Variants in ZFYVE9 observed in about 807,000 individuals in gnomAD.
ZFYVE9 encodes the protein zinc finger FYVE-type containing 9.
In ZFYVE9, 43 loss-of-function variants were observed where a neutral mutation model predicts 126.7. The ratio of observed to expected loss-of-function variants is 0.34; its 90% confidence interval spans 0.27 to 0.44. The LOEUF (loss-of-function observed/expected upper bound fraction) is 0.44. Among genes scored for constraint, ZFYVE9 ranks in the 20% least tolerant of loss-of-function variants. ZFYVE9 has a pLI of 1.00. For synonymous variants in ZFYVE9, 521 were observed against 597.4 expected, an observed-to-expected ratio of 0.87 and a Z score of 1.87; for missense variants, 1,476 against 1,697.0, an observed-to-expected ratio of 0.87 and a Z score of 2.29.
Position 52,344,910 on chromosome 1 carries a change from A to G in ZFYVE9, c.4082A>G (p.Lys1361Arg), listed in dbSNP as rs756590072. 1.9e-6 allele frequency: 3 copies of G among 1,614,140 alleles called. No homozygotes were observed. The highest frequency in any genetic ancestry group is 2.2e-5 in the East Asian group (1 of 44,876). The change falls in exon 18 of 19, where the codon AAA becomes AGA. Residue 1361 changes from lysine (K) to arginine (R), a missense_variant. Coordinates refer to ENST00000287727, the MANE Select transcript of ZFYVE9 (RefSeq NM_004799.4). ...CTTCTGAAGGAAGATGGAATGACCAAACTGGGACTACGTGTGACACTTGAC... is the reference window on the plus strand; with the variant it reads ...CTTCTGAAGGAAGATGGAATGACCAGACTGGGACTACGTGTGACACTTGAC... The part of the protein sequence containing the change: ...LKLLKEDGMT[K>R]LGLRVTLDSD...
intron 1 of ZFYVE9, among the ~76,000 whole-genome samples, chr1:52,158,089 G>T (rs1189555901): frequency 6.6e-6 from 1 of 152,134 alleles, no homozygotes; most frequent in African/African-American, 2.4e-5. Context: ...GAGCCACCCT[G>T]ACAGCAAGTT....
At chr1:52,286,378 A>G (rs1240628089) in intron 10 of ZFYVE9, among the ~76,000 whole-genome samples, 1 of 152,226 alleles carries the variant, frequency 6.6e-6, no homozygotes, top group Non-Finnish European at 1.5e-5. Flanking sequence ...AACTACAGGT[A>G]TTTAATAACC....
chr1:52,166,734 G>A (rs1048155955), intron 1 of ZFYVE9, among the ~76,000 whole-genome samples: 2 of 151,970 alleles, frequency 1.3e-5, no homozygotes, highest in African/African-American at 4.8e-5. Context: ...ACAACATCTT[G>A]TCCCATCTCT....
chr1:52,319,654 TTGAGG>T (rs1646219634), intron 13 of ZFYVE9, among the ~76,000 whole-genome samples: 1 of 150,444 alleles, frequency 6.6e-6, no homozygotes, highest in African/African-American at 2.4e-5. Context: ...CAAATAAAAA[TTGAGG>T]TACTGATCCT....
intron 1 of ZFYVE9, among the ~76,000 whole-genome samples, chr1:52,164,465 C>A (rs1205051677): frequency 6.6e-6 from 1 of 152,110 alleles, no homozygotes; most frequent in Admixed American, 6.5e-5. Context: ...CCACCCGCCT[C>A]GGACTCCCAA....
At chr1:52,315,218 C>T (rs1646173116) in intron 13 of ZFYVE9, among the ~76,000 whole-genome samples, 1 of 152,076 alleles carries the variant, frequency 6.6e-6, no homozygotes, top group African/African-American at 2.4e-5. Context: ...TGCTTGAAGC[C>T]AGGAGTTCAA....
chr1:52,334,591 G>T (rs1646372446), intron 14 of ZFYVE9, 97 bp from the exon 15 acceptor site: 10 of 1,277,324 alleles, frequency 7.8e-6, no homozygotes, highest in Non-Finnish European at 1.1e-5. Context: ...TCTGTGTGAT[G>T]ATGGTCGGAA....
chr1:52,296,014 A>T, intron 12 of ZFYVE9, 37 bp downstream of exon 12: 1 of 1,566,514 alleles, frequency 6.4e-7, no homozygotes, highest in Admixed American at 1.7e-5. Flanking sequence ...TCCTTACTGG[A>T]GTTTATATGG....
At chr1:52,195,427 C>T (rs1644850985) in intron 1 of ZFYVE9, among the ~76,000 whole-genome samples, 1 of 152,192 alleles carries the variant, frequency 6.6e-6, no homozygotes, top group African/African-American at 2.4e-5. Context: ...ATCCATTCAA[C>T]AAATATTTGA....
At chr1:52,329,164 A>G (rs1289261898) in intron 13 of ZFYVE9, among the ~76,000 whole-genome samples, 1 of 152,216 alleles carries the variant, frequency 6.6e-6, no homozygotes, top group East Asian at 1.9e-4. Flanking sequence ...AGCCGTATCA[A>G]AATTTCAATG....
intron 1 of ZFYVE9, among the ~76,000 whole-genome samples, chr1:52,143,421 T>C (rs1345913477): frequency 6.6e-6 from 1 of 152,374 alleles, no homozygotes; most frequent in Middle Eastern, 3.4e-3. Flanking sequence ...TTTCCTGTTA[T>C]GTATGTGAAA....
At position 52,237,493 on chromosome 1, in the gene ZFYVE9, A is replaced by G. The variant is rs1367816385; in HGVS notation, c.76A>G (p.Thr26Ala). The change falls in exon 4 of 19, where the codon ACA (threonine) becomes GCA (alanine). Residue 26 changes from threonine (T) to alanine (A), a missense_variant. Thr to Ala is a moderately conservative substitution (Grantham distance 58, BLOSUM62 0). Around this residue, in one of 2 missense-constraint regions of ZFYVE9, gnomAD observed 807 missense variants for 794.6 expected, o/e 1.02. Coordinates refer to ENST00000287727, the MANE Select transcript of ZFYVE9 (RefSeq NM_004799.4). ...LDEFEQNEDE[T>A]VSSTLLDTKW... ...AATTACTTATTTTTTTCCAGATGAA[A>G]CAGTTTCTTCTACTTTATTGGATAC... 4 of 1,590,976 alleles carry G rather than the reference A, an allele frequency of 2.5e-6. No individual in the cohort carries two copies. Among genetic ancestry groups the G allele is most frequent in the Non-Finnish European group, 3.4e-6 (4 of 1,166,152 alleles).
rs1026215222 is a variant in ZFYVE9 at position 52,259,206 on chromosome 1, G to A, written c.2179-4567G>A. Among the ~76,000 whole-genome samples, 3 of 151,958 alleles carry A rather than the reference G, an allele frequency of 2.0e-5. No individual in the cohort carries two copies. The East Asian group carries it at 5.8e-4, about 29-fold the overall frequency. On this transcript the variant is annotated intron_variant, in intron 4 of 18. Transcript: ENST00000287727. The stretch of plus-strand genomic sequence containing the variant: ...GTGGTGTTCTTGTATGTATACCTGT[G>A]TCCATATTTGCCTCTTTTATAAGGG...
chr1:52,331,788 A>AT (rs1428191966), intron 13 of ZFYVE9, among the ~76,000 whole-genome samples: 21 of 109,832 alleles, frequency 1.9e-4, no homozygotes, highest in Admixed American at 6.2e-4. Flanking sequence ...TTTTTTTTTT[A>AT]TTTTTTTTTG....
intron 7 of ZFYVE9, 71 bp downstream of exon 7, chr1:52,268,703 A>G: frequency 1.3e-6 from 2 of 1,528,042 alleles, no homozygotes; most frequent in Non-Finnish European, 1.8e-6. Flanking sequence ...CTGTTGAATT[A>G]CTTTTGTGTG....
At chr1:52,184,745 GAAA>G (rs1484981164) in intron 1 of ZFYVE9, among the ~76,000 whole-genome samples, 15 of 152,066 alleles carry the variant, frequency 9.9e-5, no homozygotes, top group Admixed American at 9.8e-4. Context: ...TAAAAGAATT[GAAA>G]AACTGAGTGC....
chr1:52,341,532 G>T (rs1646437508), intron 17 of ZFYVE9, among the ~76,000 whole-genome samples: 1 of 152,198 alleles, frequency 6.6e-6, no homozygotes, highest in Non-Finnish European at 1.5e-5. Flanking sequence ...TAAGCTGGTA[G>T]ATCTTAGATC....
intron 1 of ZFYVE9, among the ~76,000 whole-genome samples, chr1:52,149,345 T>TA (rs1644333450): frequency 6.6e-6 from 1 of 152,114 alleles, no homozygotes; most frequent in African/African-American, 2.4e-5. Flanking sequence ...AAGGCTTTAA[T>TA]ACCTTGAATG....
intron 1 of ZFYVE9, among the ~76,000 whole-genome samples, chr1:52,206,689 AC>A: frequency 6.6e-6 from 1 of 152,184 alleles, no homozygotes; most frequent in South Asian, 2.1e-4. Context: ...AGCTGGGACT[AC>A]AGGTGCCTGC....
Sources: allele counts gnomAD v4.1 joint callset (sites outside exome capture counted in the v4.1 genomes callset), GRCh38; gene constraint gnomAD v4.1.1; regional missense constraint gnomAD v4.1.1; transcripts MANE v1.5; gene names NCBI Gene and HGNC (gene_info 2026-07-23, HGNC 2026-07-21).